LGI4: variants seen among roughly 807,000 people sequenced by gnomAD.
LGI4 encodes leucine-rich repeat LGI family member 4.
A neutral mutation model predicts 48.3 loss-of-function variants in LGI4; 36 were observed. That is an observed-to-expected ratio of 0.75 (90% confidence interval 0.57 to 0.98). The LOEUF (loss-of-function observed/expected upper bound fraction) is 0.98. LGI4 is among the 50% of genes least tolerant of loss of function. The pLI, the probability that LGI4 is intolerant of heterozygous loss-of-function variation, is 0.00. For missense variants in LGI4, 701 were observed against 732.1 expected, an observed-to-expected ratio of 0.96 and a Z score of 0.49; for synonymous variants, 355 against 331.6, an observed-to-expected ratio of 1.07 and a Z score of -0.77.
Position 35,134,715 on chromosome 19 carries a change from C to G in LGI4, c.-35G>C. 1 of 1,238,938 alleles carries G rather than the reference C, an allele frequency of 8.1e-7. No individual in the cohort carries two copies. Among genetic ancestry groups the G allele is most frequent in the South Asian group, 1.5e-5 (1 of 68,298 alleles). The allele number at this position is 1,238,938 out of a possible 1,614,324, so 76.7% of individuals were successfully genotyped here. ...CCCACTCTGAGGCACCCGCTTCTCC[C>G]GGCCCACCCAGCTCAGCCCAGGCCA... On this transcript the variant is annotated 5_prime_UTR_variant, in exon 1 of 9. Transcript: ENST00000310123.
chr19:35,127,050 A>C, intron 6 of LGI4, 33 bp from the exon 7 acceptor site: 1 of 1,540,728 alleles, frequency 6.5e-7, no homozygotes, highest in Non-Finnish European at 8.7e-7. Context: ...GGCAGGCCCC[A>C]GGACCCCCAG....
rs1410167303 is a variant in LGI4, at chr19:35,126,977, G to C, written c.669C>G (p.Ser223Arg). ...CCCCTTGGTAGGAGAAGGGCTCTAC[G>C]CTCAGTGCCGACTCCCCCACCGTCT... ...WFQTVGESAL[S>R]VEPFSYQGEP... Residue 223 changes from serine to arginine, a missense_variant, in exon 7 of 9, where the codon AGC becomes AGG. Around this residue, in one of 3 missense-constraint regions of LGI4, gnomAD observed 462 missense variants for 436.4 expected, o/e 1.06. Coordinates refer to ENST00000310123, the MANE Select transcript of LGI4 (RefSeq NM_139284.3). 2 of 1,610,592 alleles carry C rather than the reference G, an allele frequency of 1.2e-6. No individual in the cohort carries two copies. Among genetic ancestry groups the C allele is most frequent in the Non-Finnish European group, 1.7e-6 (2 of 1,177,970 alleles).
chr19:35,130,155 A>G (rs896709558), intron 6 of LGI4, among the ~76,000 whole-genome samples: 4 of 152,132 alleles, frequency 2.6e-5, no homozygotes, highest in African/African-American at 7.2e-5. Context: ...CTGAGATAGT[A>G]CAGATAGTGA....
Position 35,131,575 on chromosome 19 carries a change from A to C in LGI4, c.459-20T>G, listed in dbSNP as rs1319893258. ...AGGTCCCTGGGGCAAGAGGCCAGGG[A>C]GGGGCTGCGACCCGGCTTCCACGCC... On this transcript the variant is annotated intron_variant, in intron 5 of 8. Coordinates refer to ENST00000310123, the MANE Select transcript of LGI4 (RefSeq NM_139284.3). 1 of 1,546,232 alleles carries C rather than the reference A, an allele frequency of 6.5e-7. No individual in the cohort carries two copies. Among genetic ancestry groups the C allele is most frequent in the African/African-American group, 1.4e-5 (1 of 72,986 alleles).
intron 3 of LGI4, among the ~76,000 whole-genome samples, chr19:35,132,915 C>T (rs1333860993): frequency 6.6e-6 from 1 of 152,150 alleles, no homozygotes; most frequent in African/African-American, 2.4e-5. Context: ...TCACCATCAT[C>T]ACCAACCCAG....
intron 6 of LGI4, 75 bp from the exon 7 acceptor site, chr19:35,127,092 A>C: frequency 1.4e-6 from 2 of 1,447,638 alleles, no homozygotes; most frequent in South Asian, 1.4e-5. Flanking sequence ...GTTTGCCTAC[A>C]TCTCTGAAAT....
At chr19:35,134,170 C>A in intron 1 of LGI4, 66 bp from the exon 2 acceptor site, 2 of 1,429,234 alleles carry the variant, frequency 1.4e-6, no homozygotes, top group Non-Finnish European at 1.9e-6. Context: ...AAACCAGAAC[C>A]TTCTGCCATC....
intron 6 of LGI4, among the ~76,000 whole-genome samples, chr19:35,128,622 G>A (rs1317496252): frequency 1.3e-5 from 2 of 152,116 alleles, no homozygotes; most frequent in African/African-American, 4.8e-5. Flanking sequence ...GGGGCAGGAG[G>A]ATCACCTGAG....
chr19:35,133,222 C>T (rs1327839230), intron 3 of LGI4: 2 of 401,220 alleles, frequency 5.0e-6, no homozygotes, highest in Non-Finnish European at 7.0e-6. Context: ...CCAATGCCAG[C>T]ATTGTCATGC....
rs1300362535 is a variant in LGI4 at position 35,134,904 on chromosome 19, CTG to C, written c.-226_-225del. ...TCTCTTTCTCCCTGTCTTTCTGTCT[CTG>C]TATTTTTGACTCTGTGTGTTAGTCT... On this transcript the variant is annotated 5_prime_UTR_variant, in exon 1 of 9. Coordinates refer to ENST00000310123, the MANE Select transcript of LGI4 (RefSeq NM_139284.3). 43 of 526,724 alleles carry C rather than the reference CTG, an allele frequency of 8.2e-5. 1 individual carries two copies. The South Asian group carries it at 1.0e-3, about 13-fold the overall frequency. The allele number at this position is 526,724 out of a possible 1,614,324, so 32.6% of individuals were successfully genotyped here. A position where few individuals can be genotyped will look rare whatever the true frequency, so the allele number is the denominator to read the frequency against.
At position 35,126,611 on chromosome 19, in the gene LGI4, C is replaced by T. The variant is rs751185775; in HGVS notation, c.958G>A (p.Ala320Thr). Residue 320 changes from alanine (A) to threonine (T), a missense_variant, in exon 8 of 9, where the codon GCC becomes ACC. Ala to Thr is a moderately conservative substitution (Grantham distance 58). Transcript: ENST00000310123. ...APRRLLRPND[A>T]ELLWLEGQPC... is the part of the protein sequence containing the mutation. The stretch of plus-strand genomic sequence containing the variant: ...TGCCCTTCCAGCCACAGGAGCTCGG[C>T]GTCATTGGGCCGCAGCAGCCGCCGC... 6.5e-7 allele frequency: 1 copy of T among 1,541,826 alleles called. No individual in the cohort carries two copies. Among genetic ancestry groups the T allele is most frequent in the Non-Finnish European group, 8.7e-7 (1 of 1,149,740 alleles).
In LGI4 at chr19:35,125,602, C is replaced by T; in HGVS notation, c.1300-95G>A. The T allele has an allele frequency of 3.8e-6, 4 of 1,053,698 alleles. 1 individual carries two copies. Among genetic ancestry groups the T allele is most frequent in the South Asian group, 3.1e-5 (2 of 64,290 alleles). The allele number at this position is 1,053,698 out of a possible 1,614,324, so 65.3% of individuals were successfully genotyped here. A position where few individuals can be genotyped will look rare whatever the true frequency, so the allele number is the denominator to read the frequency against. Reference sequence around the variant, plus strand: ...CAGAAGCCTGTCGGTCCCAAAACTCCCATAGCTTTCTTATCTTCATAAAAG... The same window carrying T: ...CAGAAGCCTGTCGGTCCCAAAACTCTCATAGCTTTCTTATCTTCATAAAAG... On this transcript the variant is annotated intron_variant, in intron 8 of 8. Coordinates refer to ENST00000310123, the MANE Select transcript of LGI4 (RefSeq NM_139284.3).
chr19:35,130,539 T>C (rs2065167690), intron 6 of LGI4, among the ~76,000 whole-genome samples: 1 of 152,028 alleles, frequency 6.6e-6, no homozygotes, highest in African/African-American at 2.4e-5. Flanking sequence ...AAAAAGTTTT[T>C]TAAAAAAATT....
chr19:35,134,231 C>G, intron 1 of LGI4, 127 bp from the exon 2 acceptor site: 1 of 890,896 alleles, frequency 1.1e-6, no homozygotes, highest in Non-Finnish European at 1.8e-6. Context: ...CCCCTGCATG[C>G]CAGAGGAGGC....
Position 35,131,459 on chromosome 19 carries a change from AC to A in LGI4, c.554del (p.Cys185LeufsTer7). ...TVNASVGTGA[C>X]AGPASLSHMQ... ...TGTGGCTCAGGGAGGCGGGGCCCGCACAGGCGCCGGTCCCCACGCTGGCATT... is the reference window on the plus strand; with the variant it reads ...TGTGGCTCAGGGAGGCGGGGCCCGCAAGGCGCCGGTCCCCACGCTGGCATT... On this transcript the variant is annotated frameshift_variant, in exon 6 of 9. Coordinates refer to ENST00000310123, the MANE Select transcript of LGI4 (RefSeq NM_139284.3). LOFTEE classifies it high-confidence loss of function. The A allele has an allele frequency of 6.4e-7, 1 of 1,551,438 alleles. No homozygotes were observed. The highest frequency in any genetic ancestry group is 8.7e-7 in the Non-Finnish European group (1 of 1,147,084).
chr19:35,132,819 A>G (rs182819077), intron 3 of LGI4, among the ~76,000 whole-genome samples: 1 of 151,962 alleles, frequency 6.6e-6, no homozygotes. Context: ...CACTGCCAAC[A>G]CTCACATCTC....
At chr19:35,125,728 T>G (rs1188749577) in intron 8 of LGI4, 4 of 695,662 alleles carry the variant, frequency 5.7e-6, no homozygotes, top group Non-Finnish European at 1.0e-5. Flanking sequence ...TCTGTCAGTT[T>G]CACCTTCTAC....
intron 4 of LGI4, 29 bp downstream of exon 4, chr19:35,131,942 T>C (rs773332177): frequency 3.2e-6 from 5 of 1,578,708 alleles, no homozygotes; most frequent in Non-Finnish European, 4.3e-6. Flanking sequence ...GTGCCTCTCA[T>C]GGAGGGCTGG....
At chr19:35,132,089 G>A in intron 3 of LGI4, 47 bp from the exon 4 acceptor site, 2 of 1,474,720 alleles carry the variant, frequency 1.4e-6, no homozygotes, top group Non-Finnish European at 9.3e-7. Flanking sequence ...GAGCTTCAGG[G>A]AACGCACCCC....
Sources: gnomAD v4.1 joint callset for allele counts (sites outside exome capture counted in the v4.1 genomes callset) on GRCh38, gnomAD v4.1.1 for gene constraint, gnomAD v4.1.1 regional missense constraint, MANE v1.5 for transcripts, NCBI Gene and HGNC (gene_info 2026-07-23, HGNC 2026-07-21) for gene names.